Variants in RFX2 observed in about 807,000 individuals in gnomAD.
RFX2 encodes the protein DNA-binding protein RFX2.
RFX2 carries 20 observed loss-of-function variants against 87.8 expected under a neutral mutation model. The ratio of observed to expected loss-of-function variants is 0.23; its 90% CI spans 0.16 to 0.33. The LOEUF (loss-of-function observed/expected upper bound fraction) is 0.33. RFX2 is among the 10% of genes least tolerant of loss of function. The pLI is 1.00. For missense variants in RFX2, 767 were observed against 1,012.3 expected, an observed-to-expected ratio of 0.76 and a Z score of 3.29; for synonymous variants, 397 against 431.3, an observed-to-expected ratio of 0.92 and a Z score of 0.98.
chr19:6,035,849 G>GT (rs1555776245), intron 5 of RFX2, among the ~76,000 whole-genome samples: 34,679 of 138,670 alleles, frequency 0.25, 4,464 homozygotes, highest in African/African-American at 0.41. Flanking sequence ...GCTTGGTGGG[G>GT]GGTGTGTGTG....
chr19:6,013,402 T>C lies in RFX2; in HGVS notation c.780-297A>G, dbSNP rs1382543960. On this transcript the variant is annotated intron_variant, in intron 7 of 17. Transcript: ENST00000303657. The surrounding 1 kb of genome is among the most constrained non-coding windows in gnomAD (Gnocchi z 4.1). ...GGTTTTGCCATGTTGGCCAGGCTGGTCTCAAACTCCTGGGCTCAAGTGATC... is the reference window on the plus strand; with the variant it reads ...GGTTTTGCCATGTTGGCCAGGCTGGCCTCAAACTCCTGGGCTCAAGTGATC... 6.6e-6 allele frequency among the ~76,000 whole-genome samples: 1 copy of C among 151,986 alleles called. No homozygotes were observed. The highest frequency in any genetic ancestry group is 1.5e-5 in the Non-Finnish European group (1 of 67,962).
intron 1 of RFX2, chr19:6,072,788 C>A: frequency 2.5e-6 from 2 of 801,370 alleles, no homozygotes; most frequent in Non-Finnish European, 2.1e-6. Context: ...TTCAGTGCTG[C>A]CTACGGAGGT....
rs111632371 is a variant in RFX2 at position 6,024,354 on chromosome 19, T to G, written c.597+1809A>C. 8.4e-4 allele frequency among the ~76,000 whole-genome samples: 128 copies of G among 152,330 alleles called. No homozygotes were observed. Among genetic ancestry groups the G allele is most frequent in the African/African-American group, 2.8e-3 (118 of 41,578 alleles). On this transcript the variant is annotated intron_variant, in intron 6 of 17. Coordinates refer to ENST00000303657, the MANE Select transcript of RFX2 (RefSeq NM_000635.4). The surrounding 1 kb of genome is among the most constrained non-coding windows in gnomAD (Gnocchi z 5.0). ...AGACTCCCTTCTCCCTGAGTTCATCTACAGGGAGGATGTCATCCAGCAGTG... is the reference window on the plus strand; with the variant it reads ...AGACTCCCTTCTCCCTGAGTTCATCGACAGGGAGGATGTCATCCAGCAGTG...
chr19:6,095,412 T>C (rs1166853779), intron 1 of RFX2, among the ~76,000 whole-genome samples: 2 of 152,162 alleles, frequency 1.3e-5, no homozygotes, highest in African/African-American at 4.8e-5. Flanking sequence ...ATGGCCTCTA[T>C]CCTCAAGGGT....
intron 12 of RFX2, 72 bp downstream of exon 12, chr19:6,006,940 A>G (rs1329023648): frequency 2.0e-6 from 3 of 1,537,898 alleles, no homozygotes; most frequent in Non-Finnish European, 2.7e-6. Context: ...CTGAAGACGT[A>G]CATGTAAGAA....
Position 5,995,603 on chromosome 19 carries a change from T to G in RFX2, c.2054A>C (p.Lys685Thr), listed in dbSNP as rs1189503300. 3 of 1,552,028 alleles carry G rather than the reference T, an allele frequency of 1.9e-6. No homozygotes were observed. Among genetic ancestry groups the G allele is most frequent in the Non-Finnish European group, 2.6e-6 (3 of 1,147,338 alleles). The part of the protein sequence containing the change: ...LASLSLTLLD[K>T]DDMGDEQRGS... ...GGGAAAGCCGCAGACGCACCTACCT[T>G]TGTCGAGCAGCGTCAGCGACAGAGA... is the stretch of plus-strand genomic sequence containing the variant. Residue 685 changes from lysine (K) to threonine (T), a missense_variant and splice_region_variant, in exon 17 of 18, where the codon AAA becomes ACA. Transcript: ENST00000303657.
At position 6,083,744 on chromosome 19, in the gene RFX2, T is replaced by A. The variant is rs12610033; in HGVS notation, c.-9+26649A>T. On this transcript the variant is annotated intron_variant, in intron 1 of 17. Transcript: ENST00000303657. The surrounding 1 kb of genome is among the most constrained non-coding windows in gnomAD (Gnocchi z 4.6). ...GTGCCACCATGCCCGGGTAATTTTTTAATTTTTTGTACAGATGGGGTCTCA... is the reference window on the plus strand; with the variant it reads ...GTGCCACCATGCCCGGGTAATTTTTAAATTTTTTGTACAGATGGGGTCTCA... Among the ~76,000 whole-genome samples, 36,595 of 151,710 alleles carry A rather than the reference T, an allele frequency of 0.24. 5,458 individuals are homozygous for A. The highest frequency in any genetic ancestry group is 0.46 in the East Asian group (2,353 of 5,152).
In RFX2 at chr19:6,040,267, T is replaced by C; in HGVS notation, c.261-26A>G. 1 of 1,515,320 alleles carries C rather than the reference T, an allele frequency of 6.6e-7. No homozygotes were observed. The allele number at this position is 1,515,320 out of a possible 1,614,324, so 93.9% of individuals were successfully genotyped here. On this transcript the variant is annotated intron_variant, in intron 4 of 17. Coordinates refer to ENST00000303657, the MANE Select transcript of RFX2 (RefSeq NM_000635.4). This position sits in a 1 kb window ranked among gnomAD's most constrained non-coding sequence, Gnocchi z 6.1. ...CTGTTAGAAAGAGAGAAGTCACGCA[T>C]GGGACGCTGTCCCATTTAAATGCCT...
rs2088127458 is a variant in RFX2, at chr19:6,101,529, G to A, written c.-9+8864C>T. Among the ~76,000 whole-genome samples, 1 of 152,216 alleles carries A rather than the reference G, an allele frequency of 6.6e-6. No homozygotes were observed. The highest frequency in any genetic ancestry group is 2.4e-5 in the African/African-American group (1 of 41,446). ...ACAGAAATGTATCCTTGGAAACATG[G>A]CACAGTTTCTAAAAGATAAACAGTT... On this transcript the variant is annotated intron_variant, in intron 1 of 17. Transcript: ENST00000303657. This position sits in a 1 kb window ranked among gnomAD's most constrained non-coding sequence, Gnocchi z 4.9.
intron 13 of RFX2, among the ~76,000 whole-genome samples, chr19:6,003,999 A>C (rs561002862): frequency 6.6e-6 from 1 of 152,320 alleles, no homozygotes; most frequent in South Asian, 2.1e-4. Flanking sequence ...ATGTGACATC[A>C]AATGACATCT....
chr19:6,036,673 C>T (rs2087030180), intron 5 of RFX2, among the ~76,000 whole-genome samples: 1 of 152,130 alleles, frequency 6.6e-6, no homozygotes, highest in African/African-American at 2.4e-5. Flanking sequence ...AAACGTTTGA[C>T]AGAATTCAAC....
Position 6,056,417 on chromosome 19 carries a change from T to C in RFX2, c.-8-8913A>G, listed in dbSNP as rs929916658. Among the ~76,000 whole-genome samples, 2 of 152,208 alleles carry C rather than the reference T, an allele frequency of 1.3e-5. No homozygotes were observed. Among genetic ancestry groups the C allele is most frequent in the Non-Finnish European group, 2.9e-5 (2 of 68,028 alleles). ...GATGAGCAGGAGTGGCTCATGATCC[T>C]GGCGGTGCTTCCAGGTAAGCGCAGT... On this transcript the variant is annotated intron_variant, in intron 1 of 17. Coordinates refer to ENST00000303657, the MANE Select transcript of RFX2 (RefSeq NM_000635.4). This position sits in a 1 kb window ranked among gnomAD's most constrained non-coding sequence, Gnocchi z 4.6.
At chr19:6,052,574 C>T (rs2087280675) in intron 1 of RFX2, among the ~76,000 whole-genome samples, 1 of 152,110 alleles carries the variant, frequency 6.6e-6, no homozygotes, top group South Asian at 2.1e-4. Flanking sequence ...GAGAACACTA[C>T]AATCAAAACC....
At position 6,020,597 on chromosome 19, in the gene RFX2, C is replaced by T. The variant is rs761388051; in HGVS notation, c.598-4326G>A. On this transcript the variant is annotated intron_variant, in intron 6 of 17. Coordinates refer to ENST00000303657, the MANE Select transcript of RFX2 (RefSeq NM_000635.4). This position sits in a 1 kb window ranked among gnomAD's most constrained non-coding sequence, Gnocchi z 5.3. The stretch of plus-strand genomic sequence containing the variant: ...GTGCTGGAGCCCACACCTGGCGGCA[C>T]GTCAGACTGCGGCAAGCATCACAGG... 6.6e-6 allele frequency among the ~76,000 whole-genome samples: 1 copy of T among 152,204 alleles called. No individual in the cohort carries two copies. Among genetic ancestry groups the T allele is most frequent in the African/African-American group, 2.4e-5 (1 of 41,460 alleles).
intron 1 of RFX2, among the ~76,000 whole-genome samples, chr19:6,093,361 C>A (rs993131753): frequency 1.3e-5 from 2 of 152,038 alleles, no homozygotes; most frequent in African/African-American, 4.8e-5. Context: ...ATGGTGAAAC[C>A]CCGTCTCTAC....
In RFX2 at chr19:6,002,847, G is replaced by A. The variant is rs2086511490; in HGVS notation, c.1524C>T (p.Ala508=). ...QTKVGVVSAF[A]QTLRRYTSLN... Reference sequence around the variant, plus strand: ...GGGACGTGTAGCGCCGCAGCGTCTGGGCGAAGGCACTGACGACGCCCACCT... The same window carrying A: ...GGGACGTGTAGCGCCGCAGCGTCTGAGCGAAGGCACTGACGACGCCCACCT... Residue 508 remains alanine, a synonymous_variant, in exon 14 of 18, where the codon GCC becomes GCT. Transcript: ENST00000303657. The surrounding 1 kb of genome is among the most constrained non-coding windows in gnomAD (Gnocchi z 6.7). The A allele has an allele frequency of 1.2e-6, 2 of 1,611,012 alleles. No individual in the cohort carries two copies. Among genetic ancestry groups the A allele is most frequent in the Middle Eastern group, 3.4e-4 (2 of 5,902 alleles).
rs1201397215 is a variant in RFX2 at position 6,002,985 on chromosome 19, G to T, written c.1501-115C>A. The T allele has an allele frequency of 3.1e-5, 37 of 1,190,958 alleles. No homozygotes were observed. Among genetic ancestry groups the T allele is most frequent in the Non-Finnish European group, 3.5e-5 (30 of 859,516 alleles). 73.8% of individuals were successfully genotyped at this position (1,190,958 alleles called of 1,614,324 possible). ...CACAGGGAGGAGGGAGCAGGAAACAGCAACCTGGGCAGGGAAGAGGGAACC... is the reference window on the plus strand; with the variant it reads ...CACAGGGAGGAGGGAGCAGGAAACATCAACCTGGGCAGGGAAGAGGGAACC... On this transcript the variant is annotated intron_variant, in intron 13 of 17. Transcript: ENST00000303657. The surrounding 1 kb of genome is among the most constrained non-coding windows in gnomAD (Gnocchi z 6.7).
At chr19:6,102,288 CTATTTGA>C (rs1399562772) in intron 1 of RFX2, among the ~76,000 whole-genome samples, 2 of 152,218 alleles carry the variant, frequency 1.3e-5, no homozygotes, top group Admixed American at 1.3e-4. Context: ...CTAGCAAAGC[CTATTTGA>C]TACTGACTCC....
chr19:6,059,428 C>T (rs1249149072), intron 1 of RFX2, among the ~76,000 whole-genome samples: 1 of 152,192 alleles, frequency 6.6e-6, no homozygotes, highest in Non-Finnish European at 1.5e-5. Context: ...GACACTTTCA[C>T]CCAGCAAATA....
Sources: gnomAD v4.1 joint callset for allele counts (sites outside exome capture counted in the v4.1 genomes callset) on GRCh38, gnomAD v4.1.1 for gene constraint, Gnocchi (gnomAD v3.1) non-coding constraint, MANE v1.5 for transcripts, NCBI Gene and HGNC (gene_info 2026-07-23, HGNC 2026-07-21) for gene names.